The following ANXA6 variants were observed in gnomAD, a reference collection of about 807,000 sequenced individuals.
ANXA6 encodes annexin A6, also known as 67 kDa calelectrin.
A neutral mutation model predicts 95.4 loss-of-function variants in ANXA6; 71 were observed. The ratio of observed to expected loss-of-function variants is 0.74; its 90% CI spans 0.61 to 0.91. The LOEUF is 0.91. Among genes scored for constraint, ANXA6 ranks in the 40% least tolerant of loss-of-function variants. The probability of loss-of-function intolerance (pLI) is 0.00; values close to 1 mark genes in which losing one functional copy is unlikely to be tolerated. For missense variants in ANXA6, 830 were observed against 876.4 expected, an observed-to-expected ratio of 0.95 and a Z score of 0.67; for synonymous variants, 289 against 315.9, an observed-to-expected ratio of 0.91 and a Z score of 0.90.
intron 24 of ANXA6, among the ~76,000 whole-genome samples, 166 bp from the exon 25 acceptor site, chr5:151,103,858 G>A (rs907671539): frequency 6.6e-6 from 1 of 152,170 alleles, no homozygotes. Flanking sequence ...ATCCCTCTGT[G>A]CCCAGGACTG....
At chr5:151,146,512 C>T (rs1211639734) in intron 2 of ANXA6, among the ~76,000 whole-genome samples, 1 of 152,106 alleles carries the variant, frequency 6.6e-6, no homozygotes, top group Non-Finnish European at 1.5e-5. Context: ...TCACTGGGGG[C>T]AGTCATGATG....
In ANXA6 at chr5:151,124,335, G is replaced by T. The variant is rs757148205; in HGVS notation, c.1089C>A (p.Phe363Leu). ...LKGTVRPAND[F>L]NPDADAKALR... ...GCGCTTTGGCATCTGCGTCAGGGTT[G>T]AAGTCATTGGCTGGGCGCACAGTTC... The change falls in exon 15 of 26, where the codon TTC becomes TTA. Residue 363 changes from phenylalanine (F) to leucine (L), a missense_variant. Coordinates refer to ENST00000354546, the MANE Select transcript of ANXA6 (RefSeq NM_001155.5). 3 of 1,613,116 alleles carry T rather than the reference G, an allele frequency of 1.9e-6. No homozygotes were observed. In the African/African-American group the frequency reaches 4.0e-5, roughly 22 times the overall value.
chr5:151,102,760 C>A (rs1022847154), intron 25 of ANXA6, among the ~76,000 whole-genome samples: 4 of 151,942 alleles, frequency 2.6e-5, no homozygotes, highest in African/African-American at 9.7e-5. Flanking sequence ...TAGGTGATTC[C>A]ATTTATATGA....
intron 22 of ANXA6, among the ~76,000 whole-genome samples, chr5:151,109,069 C>A (rs181806898): frequency 6.6e-6 from 1 of 152,220 alleles, no homozygotes; most frequent in East Asian, 1.9e-4. Context: ...AACCCTGATT[C>A]CTACGTAAGG....
At chr5:151,137,195 C>G in intron 6 of ANXA6, 36 bp downstream of exon 6, 1 of 1,560,462 alleles carries the variant, frequency 6.4e-7, no homozygotes, top group Non-Finnish European at 8.8e-7. Flanking sequence ...CATTTTGTAT[C>G]TGAAGATCCT....
intron 11 of ANXA6, among the ~76,000 whole-genome samples, chr5:151,130,320 T>A (rs1765460335): frequency 6.6e-6 from 1 of 151,960 alleles, no homozygotes; most frequent in Non-Finnish European, 1.5e-5. Flanking sequence ...CTGCGTTCAC[T>A]GAAGCCTCAA....
rs2113897825 is a variant in ANXA6 at position 151,109,805 on chromosome 5, C to G, written c.1632G>C (p.Glu544Asp). The stretch of plus-strand genomic sequence containing the variant: ...TACACAGGATCGTCATGAAACGTGT[C>G]TCCAAGGAAGTTTTGTCTCCACTAG... ...DTPSGDKTSLETRFMTILCTR... is the reference protein window; with the variant it reads ...DTPSGDKTSLDTRFMTILCTR... The change falls in exon 22 of 26, where the codon GAG becomes GAC. Residue 544 changes from glutamate to aspartate, a missense_variant. By Grantham distance (45) the Glu-to-Asp change is conservative. Transcript: ENST00000354546. 1 of 1,611,362 alleles carries G rather than the reference C, an allele frequency of 6.2e-7. No homozygotes were observed. The highest frequency in any genetic ancestry group is 2.2e-5 in the East Asian group (1 of 44,794).
At chr5:151,112,175 A>G (rs1764868629) in intron 20 of ANXA6, among the ~76,000 whole-genome samples, 1 of 152,310 alleles carries the variant, frequency 6.6e-6, no homozygotes, top group East Asian at 1.9e-4. Flanking sequence ...AATGGAAACA[A>G]TCCATGCAGT....
intron 17 of ANXA6, among the ~76,000 whole-genome samples, chr5:151,120,394 C>A (rs887749189): frequency 2.9e-5 from 4 of 138,638 alleles, no homozygotes; most frequent in Non-Finnish European, 6.1e-5. Context: ...AGCCACTGTG[C>A]AAGGTGCTGG....
At chr5:151,156,400 C>T (rs545436180) in intron 1 of ANXA6, among the ~76,000 whole-genome samples, 12 of 152,314 alleles carry the variant, frequency 7.9e-5, no homozygotes, top group African/African-American at 2.4e-4. Flanking sequence ...GTGCCCTCGG[C>T]GTGGCTCAGG....
At chr5:151,119,687 C>T (rs749004644) in intron 17 of ANXA6, among the ~76,000 whole-genome samples, 1 of 152,170 alleles carries the variant, frequency 6.6e-6, no homozygotes, top group Non-Finnish European at 1.5e-5. Context: ...GAAATTTCTA[C>T]TTGTAAGTAT....
intron 14 of ANXA6, among the ~76,000 whole-genome samples, chr5:151,124,884 C>T (rs1429051672): frequency 6.6e-6 from 1 of 152,206 alleles, no homozygotes; most frequent in Non-Finnish European, 1.5e-5. Context: ...ACTATGCCAT[C>T]TCTTAATGGT....
At chr5:151,121,247 T>C (rs1399221149) in intron 17 of ANXA6, among the ~76,000 whole-genome samples, 2 of 152,248 alleles carry the variant, frequency 1.3e-5, no homozygotes, top group Non-Finnish European at 2.9e-5. Flanking sequence ...TTCATAGCTC[T>C]ATGACCATGA....
At chr5:151,157,344 T>A (rs1766262488) in intron 1 of ANXA6, among the ~76,000 whole-genome samples, 1 of 152,166 alleles carries the variant, frequency 6.6e-6, no homozygotes, top group African/African-American at 2.4e-5. Flanking sequence ...CAAAGTCTCT[T>A]GAGCCCCCCC....
rs1764535333 is a variant in ANXA6 at position 151,101,114 on chromosome 5, CAG to C, written c.*332_*333del. The C allele has an allele frequency of 2.0e-6, 1 of 511,734 alleles. No homozygotes were observed. Among genetic ancestry groups the C allele is most frequent in the Non-Finnish European group, 3.7e-6 (1 of 268,800 alleles). 31.7% of individuals were successfully genotyped at this position (511,734 alleles called of 1,614,324 possible). A position where few individuals can be genotyped will look rare whatever the true frequency, so the allele number is the denominator to read the frequency against. The stretch of plus-strand genomic sequence containing the variant: ...GTACAGACACTACTCATTTTACAGA[CAG>C]AGGTTCAGGATGTTTTTGGATCTGA... On this transcript the variant is annotated 3_prime_UTR_variant, in exon 26 of 26. Transcript: ENST00000354546.
intron 15 of ANXA6, 70 bp from the exon 16 acceptor site, chr5:151,123,081 T>G: frequency 1.6e-6 from 2 of 1,287,890 alleles, no homozygotes; most frequent in Non-Finnish European, 2.2e-6. Flanking sequence ...CACCGCCCAC[T>G]GATGGCCCCT....
intron 2 of ANXA6, among the ~76,000 whole-genome samples, chr5:151,141,259 A>G (rs1441670186): frequency 6.6e-6 from 1 of 152,186 alleles, no homozygotes; most frequent in Non-Finnish European, 1.5e-5. Context: ...CCTGTCACCG[A>G]GCACACAGCA....
At chr5:151,143,434 C>T (rs1765889053) in intron 2 of ANXA6, among the ~76,000 whole-genome samples, 1 of 152,190 alleles carries the variant, frequency 6.6e-6, no homozygotes, top group Non-Finnish European at 1.5e-5. Flanking sequence ...TCCACAGCAT[C>T]CTAAGTGCTT....
At chr5:151,146,375 G>T (rs1231282531) in intron 2 of ANXA6, among the ~76,000 whole-genome samples, 1 of 152,178 alleles carries the variant, frequency 6.6e-6, no homozygotes, top group Non-Finnish European at 1.5e-5. Flanking sequence ...GGTCAGAGAG[G>T]CCACTTGTAC....
Sources: allele counts gnomAD v4.1 joint callset (sites outside exome capture counted in the v4.1 genomes callset), GRCh38; gene constraint gnomAD v4.1.1; transcripts MANE v1.5; gene names NCBI Gene and HGNC (gene_info 2026-07-23, HGNC 2026-07-21).